The following HMGN3 variants were observed in gnomAD, a reference collection of about 807,000 sequenced individuals.
HMGN3 encodes the protein high mobility group nucleosomal binding domain 3, also known as high mobility group nucleosome-binding domain-containing protein 3.
In HMGN3, 6 loss-of-function variants were observed where a neutral mutation model predicts 18.8. The ratio of observed to expected loss-of-function variants is 0.32; its 90% CI spans 0.18 to 0.63. HMGN3 has a LOEUF of 0.63. Ranked by LOEUF, HMGN3 falls within the 30% of genes least tolerant of loss-of-function variation. The pLI is 0.79. For missense variants in HMGN3, 107 were observed against 114.2 expected, an observed-to-expected ratio of 0.94 and a Z score of 0.29; for synonymous variants, 40 against 36.5, an observed-to-expected ratio of 1.10 and a Z score of -0.35.
intron 5 of HMGN3, 64 bp downstream of exon 6, chr6:79,201,999 C>T: frequency 6.8e-7 from 1 of 1,473,324 alleles, no homozygotes; most frequent in East Asian, 2.5e-5. Context: ...AAAAAAAAAA[C>T]CACCACACTA....
At chr6:79,211,580 C>T (rs992914335) in intron 2 of HMGN3, among the ~76,000 whole-genome samples, 1 of 151,200 alleles carries the variant, frequency 6.6e-6, no homozygotes, top group South Asian at 2.1e-4. Context: ...TCCTTAATTG[C>T]CAATATCCAA....
chr6:79,232,802 C>T lies in HMGN3; in HGVS notation c.15+1744G>A, dbSNP rs552639892. Among the ~76,000 whole-genome samples, 8 of 152,272 alleles carry T rather than the reference C, an allele frequency of 5.3e-5. No individual in the cohort carries two copies. The South Asian group carries it at 1.7e-3, about 32-fold the overall frequency. ...CCCAGGAAAAAAAGATGGCCTCCAG[C>T]TCACTTACTCTGTAACCCGTATCTT... is the stretch of plus-strand genomic sequence containing the variant. On this transcript the variant is annotated intron_variant, in intron 1 of 5. Coordinates refer to ENST00000344726, the Ensembl canonical transcript of HMGN3.
chr6:79,218,566 C>G (rs1054433777), intron 1 of HMGN3, among the ~76,000 whole-genome samples: 1 of 151,794 alleles, frequency 6.6e-6, no homozygotes, highest in African/African-American at 2.4e-5. Flanking sequence ...AGTCATGGCA[C>G]GATTTTAAAT....
intron 3 of HMGN3, among the ~76,000 whole-genome samples, chr6:79,204,677 C>T (rs904073922): frequency 4.6e-5 from 7 of 152,272 alleles, no homozygotes; most frequent in South Asian, 4.1e-4. Context: ...AGGTAATTCA[C>T]GTTCACACTG....
At chr6:79,222,730 T>G (rs1450279575) in intron 1 of HMGN3, among the ~76,000 whole-genome samples, 1 of 152,218 alleles carries the variant, frequency 6.6e-6, no homozygotes, top group Non-Finnish European at 1.5e-5. Context: ...ATAATCAAAC[T>G]TACGTTAAAT....
intron 1 of HMGN3, among the ~76,000 whole-genome samples, chr6:79,222,824 T>C (rs1777369501): frequency 6.8e-6 from 1 of 147,904 alleles, no homozygotes. Flanking sequence ...TTAAGGTCAC[T>C]GCAGGCTACT....
At chr6:79,231,391 C>G (rs1046721910) in intron 1 of HMGN3, among the ~76,000 whole-genome samples, 1 of 152,150 alleles carries the variant, frequency 6.6e-6, no homozygotes, top group Admixed American at 6.5e-5. Context: ...TGTAATTCCA[C>G]TCACCCACCA....
At chr6:79,201,987 T>TAA (rs1156326991) in intron 5 of HMGN3, 76 bp downstream of exon 6, 67 of 1,138,434 alleles carry the variant, frequency 5.9e-5, no homozygotes, top group South Asian at 4.0e-4. Flanking sequence ...TCATAATGAT[T>TAA]AAAAAAAAAA....
At chr6:79,218,071 G>A (rs1278088629) in intron 1 of HMGN3, among the ~76,000 whole-genome samples, 2 of 152,204 alleles carry the variant, frequency 1.3e-5, no homozygotes, top group African/African-American at 4.8e-5. Flanking sequence ...ATCCACGTCT[G>A]CAAGAGACGT....
intron 1 of HMGN3, among the ~76,000 whole-genome samples, chr6:79,228,819 A>C (rs1777689498): frequency 6.6e-6 from 1 of 152,216 alleles, no homozygotes; most frequent in Admixed American, 6.5e-5. Flanking sequence ...CTCCTGCCTC[A>C]GCCTCTCAAA....
At chr6:79,225,985 GTAACTC>G (rs1562002432) in intron 1 of HMGN3, among the ~76,000 whole-genome samples, 1 of 152,152 alleles carries the variant, frequency 6.6e-6, no homozygotes, top group African/African-American at 2.4e-5. Context: ...TCATGTTTAC[GTAACTC>G]TTGATTCCTC....
chr6:79,218,063 CCACGTCTG>C (rs775217241), intron 1 of HMGN3, among the ~76,000 whole-genome samples: 3 of 152,184 alleles, frequency 2.0e-5, no homozygotes, highest in Non-Finnish European at 4.4e-5. Context: ...ATGCACGTAT[CCACGTCTG>C]CAAGAGACGT....
At chr6:79,232,385 T>A (rs905854224) in intron 1 of HMGN3, among the ~76,000 whole-genome samples, 4 of 152,180 alleles carry the variant, frequency 2.6e-5, no homozygotes, top group African/African-American at 9.7e-5. Context: ...AGGTACCAAC[T>A]GAGGTCGTTA....
At position 79,208,431 on chromosome 6, in the gene HMGN3, C is replaced by A. The variant is rs1045425571; in HGVS notation, c.96+116G>T. 3 of 943,926 alleles carry A rather than the reference C, an allele frequency of 3.2e-6. No homozygotes were observed. The African/African-American group carries it at 4.9e-5, about 15-fold the overall frequency. The allele number at this position is 943,926 out of a possible 1,614,324, so 58.5% of individuals were successfully genotyped here. ...AGACATGAGGACCCTAGGTAATTTTCAAAAAGAAAATAAGCTCATGGGAAA... is the reference window on the plus strand; with the variant it reads ...AGACATGAGGACCCTAGGTAATTTTAAAAAAGAAAATAAGCTCATGGGAAA... On this transcript the variant is annotated intron_variant, in intron 3 of 5. Coordinates refer to ENST00000344726, the Ensembl canonical transcript of HMGN3.
intron 2 of HMGN3, among the ~76,000 whole-genome samples, chr6:79,210,910 C>A (rs1304535361): frequency 6.7e-6 from 1 of 149,452 alleles, no homozygotes; most frequent in African/African-American, 2.5e-5. Context: ...AAGCACTGCT[C>A]TACTGGGACT....
intron 2 of HMGN3, among the ~76,000 whole-genome samples, chr6:79,214,534 G>A (rs1776873185): frequency 6.6e-6 from 1 of 152,070 alleles, no homozygotes; most frequent in Non-Finnish European, 1.5e-5. Context: ...ATCCTTCTCA[G>A]GCAAAATATT....
intron 3 of HMGN3, among the ~76,000 whole-genome samples, chr6:79,205,097 G>C (rs1448973356): frequency 6.6e-6 from 1 of 152,172 alleles, no homozygotes; most frequent in African/African-American, 2.4e-5. Context: ...CGGTAGCACA[G>C]GGAATGATCT....
chr6:79,210,713 A>G lies in HMGN3; in HGVS notation c.67-2137T>C, dbSNP rs149169111. On this transcript the variant is annotated intron_variant, in intron 2 of 5. Coordinates refer to ENST00000344726, the Ensembl canonical transcript of HMGN3. Reference sequence around the variant, plus strand: ...AAAGGGTCCAAACATGTTAGCCATTACTCAAAACTGCCTCCCTATCTGCCA... The same window carrying G: ...AAAGGGTCCAAACATGTTAGCCATTGCTCAAAACTGCCTCCCTATCTGCCA... 2.8e-4 allele frequency among the ~76,000 whole-genome samples: 42 copies of G among 152,152 alleles called. 3 individuals are homozygous for G. In the East Asian group the frequency reaches 6.0e-3, roughly 22 times the overall value.
At chr6:79,216,126 C>T (rs1776970689) in intron 1 of HMGN3, among the ~76,000 whole-genome samples, 1 of 151,864 alleles carries the variant, frequency 6.6e-6, no homozygotes, top group South Asian at 2.1e-4. Context: ...AACAACTTGG[C>T]AATATGAAAA....
Sources: allele counts gnomAD v4.1 joint callset (sites outside exome capture counted in the v4.1 genomes callset), GRCh38; gene constraint gnomAD v4.1.1; transcripts MANE v1.5; gene names NCBI Gene and HGNC (gene_info 2026-07-23, HGNC 2026-07-21).